The following MACROD2 variants were observed in gnomAD, a reference collection of about 807,000 sequenced individuals.
MACROD2 encodes the protein ADP-ribose glycohydrolase MACROD2.
In MACROD2, 36 loss-of-function variants were observed where a neutral mutation model predicts 70.4. That is an observed-to-expected ratio of 0.51 (90% confidence interval 0.39 to 0.68). The LOEUF is 0.68. Ranked by LOEUF, MACROD2 falls within the 30% of genes least tolerant of loss-of-function variation. The pLI, the probability that MACROD2 is intolerant of heterozygous loss-of-function variation, is 0.00. For missense variants in MACROD2, 496 were observed against 538.4 expected (o/e 0.92, Z 0.78); for synonymous variants, 172 against 178.8 (o/e 0.96, Z 0.30).
At chr20:15,888,000 T>C (rs1295640984) in intron 10 of MACROD2, among the ~76,000 whole-genome samples, 1 of 152,150 alleles carries the variant, frequency 6.6e-6, no homozygotes, top group Non-Finnish European at 1.5e-5. Flanking sequence ...CCGATAGAAC[T>C]GAGTCTTGGT....
intron 12 of MACROD2, among the ~76,000 whole-genome samples, chr20:15,959,853 T>C (rs1254974223): frequency 1.3e-5 from 2 of 150,168 alleles, no homozygotes; most frequent in Non-Finnish European, 3.0e-5. Flanking sequence ...AAGTACTATT[T>C]GTAAAAAAAA....
At chr20:14,500,138 T>C (rs1185422120) in intron 4 of MACROD2, among the ~76,000 whole-genome samples, 1 of 152,222 alleles carries the variant, frequency 6.6e-6, no homozygotes, top group African/African-American at 2.4e-5. Flanking sequence ...GCTGTAGAGA[T>C]CTTGCTCTGC....
chr20:15,538,777 A>T (rs1041212682), intron 8 of MACROD2, among the ~76,000 whole-genome samples: 1 of 152,192 alleles, frequency 6.6e-6, no homozygotes, highest in African/African-American at 2.4e-5. Flanking sequence ...AAATACATTC[A>T]TCAATACTGT....
rs2049313141 is a variant in MACROD2 at position 15,632,971 on chromosome 20, A to G, written c.645+133124A>G. 2.8e-5 allele frequency among the ~76,000 whole-genome samples: 4 copies of G among 142,854 alleles called. No homozygotes were observed. The Admixed American group carries it at 2.9e-4, about 10-fold the overall frequency. 93.7% of individuals were successfully genotyped at this position (142,854 alleles called of 152,430 possible). ...CCTCCTTCCCTCTTTCCTTCCTTCT[A>G]TCTGTTCATCTCCCCATGTTATACC... On this transcript the variant is annotated intron_variant, in intron 8 of 17. Coordinates refer to ENST00000684519, the MANE Select transcript of MACROD2 (RefSeq NM_001351661.2).
intron 5 of MACROD2, among the ~76,000 whole-genome samples, chr20:14,766,412 A>C (rs1003839898): frequency 6.6e-5 from 10 of 152,146 alleles, no homozygotes; most frequent in African/African-American, 2.4e-4. Context: ...GTGCTGATAA[A>C]GTGAACACTT....
At chr20:15,205,391 T>G (rs1016128781) in intron 5 of MACROD2, among the ~76,000 whole-genome samples, 1 of 152,136 alleles carries the variant, frequency 6.6e-6, no homozygotes, top group Middle Eastern at 3.2e-3. Context: ...GCTTCTATTT[T>G]TTTTTTTAGG....
chr20:15,542,061 G>A (rs968564885), intron 8 of MACROD2, among the ~76,000 whole-genome samples: 3 of 152,186 alleles, frequency 2.0e-5, no homozygotes, highest in Admixed American at 6.5e-5. Flanking sequence ...ATGCATGCAG[G>A]TGACAGTCTT....
At chr20:14,241,047 C>T (rs1276976992) in intron 3 of MACROD2, among the ~76,000 whole-genome samples, 2 of 151,898 alleles carry the variant, frequency 1.3e-5, no homozygotes, top group South Asian at 2.1e-4. Flanking sequence ...ACCCGGGAGG[C>T]GGAGGTTGCA....
rs1450361880 is a variant in MACROD2 at position 15,939,950 on chromosome 20, AG to A, written c.907+2407del. Among the ~76,000 whole-genome samples, 6 of 152,188 alleles carry A rather than the reference AG, an allele frequency of 3.9e-5. No individual in the cohort carries two copies. The South Asian group carries it at 6.2e-4, about 16-fold the overall frequency. On this transcript the variant is annotated intron_variant, in intron 12 of 17. Transcript: ENST00000684519. ...GAAATGTCAAGAGAACTAGAAGTGG[AG>A]ACTGAAGATGTAACTGAACTGTAAT...
chr20:15,639,096 G>A (rs1197006491), intron 8 of MACROD2, among the ~76,000 whole-genome samples: 2 of 151,620 alleles, frequency 1.3e-5, no homozygotes, highest in Non-Finnish European at 2.9e-5. Flanking sequence ...TCAATCCTGG[G>A]CACAGTGGAA....
At chr20:15,501,940 G>A (rs2047370046) in intron 8 of MACROD2, among the ~76,000 whole-genome samples, 1 of 152,094 alleles carries the variant, frequency 6.6e-6, no homozygotes, top group Non-Finnish European at 1.5e-5. Context: ...TTATTTTGAT[G>A]TTCTGATTGG....
At chr20:14,017,334 T>A (rs975124102) in intron 2 of MACROD2, among the ~76,000 whole-genome samples, 2 of 152,140 alleles carry the variant, frequency 1.3e-5, no homozygotes, top group Non-Finnish European at 2.9e-5. Context: ...GCCTGATTAC[T>A]CTGGCTAAAA....
chr20:14,512,391 G>A (rs140320591), intron 4 of MACROD2, among the ~76,000 whole-genome samples: 4 of 152,060 alleles, frequency 2.6e-5, no homozygotes, highest in Non-Finnish European at 5.9e-5. Context: ...ACCAAGGCTT[G>A]GGGGTGGAAG....
intron 8 of MACROD2, among the ~76,000 whole-genome samples, chr20:15,746,657 A>C (rs1176114570): frequency 6.6e-6 from 1 of 152,012 alleles, no homozygotes; most frequent in African/African-American, 2.4e-5. Context: ...TTAGTAGAAA[A>C]CATTTATTTC....
intron 3 of MACROD2, among the ~76,000 whole-genome samples, chr20:14,360,379 A>G (rs1488088850): frequency 1.3e-5 from 2 of 152,228 alleles, no homozygotes; most frequent in African/African-American, 4.8e-5. Flanking sequence ...TGATAAATAT[A>G]TACAATTTGT....
chr20:14,604,403 T>A (rs1194494449), intron 4 of MACROD2, among the ~76,000 whole-genome samples: 5 of 152,194 alleles, frequency 3.3e-5, no homozygotes, highest in African/African-American at 1.2e-4. Flanking sequence ...TGGGTATAGG[T>A]CCCTTATTAT....
At chr20:15,291,267 C>T (rs776524269) in intron 6 of MACROD2, among the ~76,000 whole-genome samples, 19 of 152,210 alleles carry the variant, frequency 1.2e-4, no homozygotes, top group Non-Finnish European at 2.2e-4. Flanking sequence ...TGGGGGTTCT[C>T]ATTGTTTCTC....
At chr20:14,362,786 A>G (rs926090242) in intron 3 of MACROD2, among the ~76,000 whole-genome samples, 1 of 152,126 alleles carries the variant, frequency 6.6e-6, no homozygotes. Flanking sequence ...ATCTCTGGGG[A>G]AAAAAAGATA....
chr20:15,401,815 G>C (rs752721448), intron 6 of MACROD2, among the ~76,000 whole-genome samples: 10 of 152,192 alleles, frequency 6.6e-5, no homozygotes, highest in Non-Finnish European at 1.3e-4. Flanking sequence ...GCTGGACAAA[G>C]GTGACCAGGC....
Sources: gnomAD v4.1 joint callset for allele counts (sites outside exome capture counted in the v4.1 genomes callset) on GRCh38, gnomAD v4.1.1 for gene constraint, MANE v1.5 for transcripts, NCBI Gene and HGNC (gene_info 2026-07-23, HGNC 2026-07-21) for gene names.